Variants in PCNX1 observed in about 807,000 individuals in gnomAD.
PCNX1 encodes pecanex 1, also known as pecanex-like protein 1.
Under a neutral mutation model 242.2 loss-of-function variants are expected in PCNX1, and 78 were observed. The ratio of observed to expected loss-of-function variants is 0.32; its 90% CI spans 0.27 to 0.39. PCNX1 has a LOEUF of 0.39. PCNX1 is among the 10% of genes least tolerant of loss of function. The pLI, the probability that PCNX1 is intolerant of heterozygous loss-of-function variation, is 1.00. For synonymous variants in PCNX1, 1,024 were observed against 1,032.9 expected, an observed-to-expected ratio of 0.99 and a Z score of 0.17; for missense variants, 2,581 against 2,856.5, an observed-to-expected ratio of 0.90 and a Z score of 2.20.
At chr14:71,042,441 G>T (rs2060734658) in intron 19 of PCNX1, among the ~76,000 whole-genome samples, 1 of 151,814 alleles carries the variant, frequency 6.6e-6, no homozygotes, top group Non-Finnish European at 1.5e-5. Flanking sequence ...CTCTTTTCAT[G>T]TCTTTTGACT....
intron 1 of PCNX1, among the ~76,000 whole-genome samples, chr14:70,923,375 A>C (rs755195351): frequency 2.0e-5 from 3 of 152,186 alleles, no homozygotes; most frequent in African/African-American, 7.2e-5. Flanking sequence ...AAAAAAATTC[A>C]TGTTTTTGTC....
chr14:70,983,047 T>A (rs903679986), intron 6 of PCNX1, among the ~76,000 whole-genome samples: 2 of 152,336 alleles, frequency 1.3e-5, no homozygotes, highest in East Asian at 3.9e-4. Flanking sequence ...TTTGTAAGGA[T>A]GTGTCCCCTC....
At chr14:70,941,692 C>T (rs1369878839) in intron 1 of PCNX1, among the ~76,000 whole-genome samples, 2 of 152,230 alleles carry the variant, frequency 1.3e-5, no homozygotes, top group East Asian at 1.9e-4. Flanking sequence ...GCAGAAGTTT[C>T]TGCTGCCTTT....
At chr14:70,960,590 C>T (rs1428523004) in intron 2 of PCNX1, among the ~76,000 whole-genome samples, 2 of 151,784 alleles carry the variant, frequency 1.3e-5, no homozygotes, top group Non-Finnish European at 2.9e-5. Context: ...GGAAGCATTC[C>T]CTTTGAAAAC....
intron 7 of PCNX1, among the ~76,000 whole-genome samples, chr14:70,989,925 C>T (rs1049775219): frequency 2.0e-4 from 31 of 152,180 alleles, no homozygotes; most frequent in African/African-American, 7.5e-4. Flanking sequence ...CCAAAAGTAC[C>T]ATTTTACAAA....
At chr14:70,960,498 G>C (rs902119885) in intron 2 of PCNX1, among the ~76,000 whole-genome samples, 1 of 152,078 alleles carries the variant, frequency 6.6e-6, no homozygotes, top group East Asian at 1.9e-4. Context: ...AATAAATTAG[G>C]TATCGATGGG....
intron 30 of PCNX1, chr14:71,093,045 C>T (rs2062177648): frequency 6.6e-6 from 1 of 152,136 alleles, no homozygotes; most frequent in African/African-American, 2.4e-5. Context: ...CTAATTCAGC[C>T]TCCAGATCAG....
chr14:71,062,470 T>G (rs1196950016), intron 26 of PCNX1, among the ~76,000 whole-genome samples: 1 of 151,776 alleles, frequency 6.6e-6, no homozygotes, highest in Non-Finnish European at 1.5e-5. Context: ...TTAAAATGTT[T>G]AAAAAATTTT....
chr14:71,080,514 GT>G (rs1386304387), intron 28 of PCNX1, among the ~76,000 whole-genome samples: 1 of 152,178 alleles, frequency 6.6e-6, no homozygotes, highest in Non-Finnish European at 1.5e-5. Flanking sequence ...AGCATGGAAT[GT>G]TTTTCCATTT....
chr14:71,100,342 CT>C (rs2062430616), intron 30 of PCNX1, among the ~76,000 whole-genome samples: 1 of 152,156 alleles, frequency 6.6e-6, no homozygotes, highest in Non-Finnish European at 1.5e-5. Context: ...TTTTATTTCT[CT>C]TTCACTTATG....
chr14:71,082,152 G>A (rs527486772), intron 28 of PCNX1, among the ~76,000 whole-genome samples: 16 of 152,006 alleles, frequency 1.1e-4, no homozygotes, highest in Non-Finnish European at 2.1e-4. Flanking sequence ...TTCAGTTTCC[G>A]TGTTGTTGTG....
Position 71,006,103 on chromosome 14 carries a change from CTGTGTGTGTGTGTGTGTGTGTGTGTG to C in PCNX1, c.2630-3489_2630-3464del, listed in dbSNP as rs60147260. Among the ~76,000 whole-genome samples, 1,055 of 114,246 alleles carry C rather than the reference CTGTGTGTGTGTGTGTGTGTGTGTGTG, an allele frequency of 9.2e-3. 13 individuals carry two copies. Among genetic ancestry groups the C allele is most frequent in the Admixed American group, 0.021 (239 of 11,236 alleles). The allele number at this position is 114,246 out of a possible 152,430, so 74.9% of individuals were successfully genotyped here. A position where few individuals can be genotyped will look rare whatever the true frequency, so the allele number is the denominator to read the frequency against. The stretch of plus-strand genomic sequence containing the variant: ...ACACCCAGCTAGTACGTGTGTGTGT[CTGTGTGTGTGTGTGTGTGTGTGTGTG>C]TGTGTGTGTGTGTGTGTGTGTGTGT... On this transcript the variant is annotated intron_variant, in intron 8 of 35. Transcript: ENST00000304743.
intron 8 of PCNX1, among the ~76,000 whole-genome samples, chr14:71,008,655 CA>C (rs777494885): frequency 0.11 from 3,487 of 32,674 alleles, 235 homozygotes; most frequent in African/African-American, 0.21. Flanking sequence ...GACTCTGTCT[CA>C]AAAAAAAAAA....
chr14:70,910,025 ACTCCTCCCTCCTC>A, intron 1 of PCNX1, among the ~76,000 whole-genome samples: 1 of 12,600 alleles, frequency 7.9e-5, no homozygotes, highest in Non-Finnish European at 2.0e-4. Flanking sequence ...CTAGACGACG[ACTCCTCCCTCCTC>A]CTCCTCCTCC....
At chr14:70,968,018 C>T (rs2058432658) in intron 3 of PCNX1, among the ~76,000 whole-genome samples, 180 bp from the exon 4 acceptor site, 1 of 152,164 alleles carries the variant, frequency 6.6e-6, no homozygotes, top group African/African-American at 2.4e-5. Flanking sequence ...GCCTGTGCCG[C>T]AGCCAACAGG....
intron 1 of PCNX1, among the ~76,000 whole-genome samples, chr14:70,928,130 C>T (rs1269981265): frequency 1.3e-5 from 2 of 151,878 alleles, no homozygotes; most frequent in African/African-American, 2.4e-5. Context: ...TTATTTTGTG[C>T]TTGCTTATTA....
chr14:70,912,928 G>A (rs1440077070), intron 1 of PCNX1, among the ~76,000 whole-genome samples: 1 of 152,148 alleles, frequency 6.6e-6, no homozygotes, highest in Non-Finnish European at 1.5e-5. Flanking sequence ...AAGGCTGGCT[G>A]CTACTTAATC....
At chr14:71,026,978 T>C in intron 15 of PCNX1, 96 bp downstream of exon 15, 1 of 579,466 alleles carries the variant, frequency 1.7e-6, no homozygotes, top group Non-Finnish European at 3.0e-6. Context: ...CAGTTTTCAC[T>C]TCAGGCTTGA....
Position 71,029,315 on chromosome 14 carries a change from T to C in PCNX1, c.3558+524T>C, listed in dbSNP as rs78786800. 2.0e-5 allele frequency among the ~76,000 whole-genome samples: 3 copies of C among 152,324 alleles called. No individual in the cohort carries two copies. The East Asian group carries it at 5.8e-4, about 29-fold the overall frequency. Reference sequence around the variant, plus strand: ...AAACATAAAAATTTAAAAATTTTTGTAGACAGCTTTCAGCTCCTCATGCAT... The same window carrying C: ...AAACATAAAAATTTAAAAATTTTTGCAGACAGCTTTCAGCTCCTCATGCAT... On this transcript the variant is annotated intron_variant, in intron 16 of 35. Coordinates refer to ENST00000304743, the MANE Select transcript of PCNX1 (RefSeq NM_014982.3).
Sources: gnomAD v4.1 joint callset for allele counts (sites outside exome capture counted in the v4.1 genomes callset) on GRCh38, gnomAD v4.1.1 for gene constraint, MANE v1.5 for transcripts, NCBI Gene and HGNC (gene_info 2026-07-23, HGNC 2026-07-21) for gene names.